The following KDM4C variants were observed in gnomAD, a reference collection of about 807,000 sequenced individuals.
KDM4C encodes lysine-specific demethylase 4C.
In KDM4C, 81 loss-of-function variants were observed where a neutral mutation model predicts 129.3. The ratio of observed to expected loss-of-function variants is 0.63; its 90% CI spans 0.52 to 0.75. The LOEUF (loss-of-function observed/expected upper bound fraction) is 0.75, where lower values mean the gene tolerates loss of function less well. Ranked by LOEUF, KDM4C falls within the 30% of genes least tolerant of loss-of-function variation. The probability of loss-of-function intolerance (pLI) is 0.00; values close to 1 mark genes in which losing one functional copy is unlikely to be tolerated. For synonymous variants in KDM4C, 573 were observed against 456.1 expected (o/e 1.26, Z -3.26); for missense variants, 1,457 against 1,304.0 (o/e 1.12, Z -1.81).
intron 17 of KDM4C, among the ~76,000 whole-genome samples, chr9:7,062,528 C>G (rs560483361): frequency 1.6e-4 from 24 of 152,186 alleles, no homozygotes; most frequent in African/African-American, 5.8e-4. Flanking sequence ...GCTGGGAATA[C>G]AGGTTTGCAC....
At chr9:6,821,653 CT>C (rs552508745) in intron 4 of KDM4C, among the ~76,000 whole-genome samples, 76 of 145,994 alleles carry the variant, frequency 5.2e-4, no homozygotes, top group African/African-American at 4.2e-4. Flanking sequence ...CTCTTTCATT[CT>C]TTTTTTTTTT....
At chr9:6,952,897 A>G (rs1430108810) in intron 8 of KDM4C, among the ~76,000 whole-genome samples, 4 of 152,242 alleles carry the variant, frequency 2.6e-5, no homozygotes, top group African/African-American at 9.6e-5. Context: ...ACATTTGTAC[A>G]GTGAGCACGG....
chr9:6,977,840 C>T (rs1240760054), intron 8 of KDM4C, among the ~76,000 whole-genome samples: 1 of 152,126 alleles, frequency 6.6e-6, no homozygotes, highest in Non-Finnish European at 1.5e-5. Context: ...GATTGCTCCT[C>T]CTGTTTGATT....
At chr9:6,734,020 G>T (rs189216542) in intron 1 of KDM4C, among the ~76,000 whole-genome samples, 1 of 152,134 alleles carries the variant, frequency 6.6e-6, no homozygotes, top group Non-Finnish European at 1.5e-5. Flanking sequence ...GCTATATCTT[G>T]TGCTGACCTC....
chr9:7,006,612 C>G (rs545844250), intron 12 of KDM4C, among the ~76,000 whole-genome samples: 1 of 152,114 alleles, frequency 6.6e-6, no homozygotes, highest in Admixed American at 6.6e-5. Flanking sequence ...GTGATTTTAC[C>G]TATAGGTAAT....
upstream of KDM4C, among the ~76,000 whole-genome samples, chr9:6,753,308 G>A (rs1818135673): frequency 6.6e-6 from 1 of 152,118 alleles, no homozygotes; most frequent in Non-Finnish European, 1.5e-5. Flanking sequence ...AGCACACCAG[G>A]CATTTACCTG....
intron 4 of KDM4C, among the ~76,000 whole-genome samples, chr9:6,848,796 T>C (rs1398586277): frequency 6.6e-6 from 1 of 152,248 alleles, no homozygotes; most frequent in African/African-American, 2.4e-5. Context: ...TATACTGTTA[T>C]AAAACTACAT....
chr9:6,823,819 T>C (rs933924743), intron 4 of KDM4C, among the ~76,000 whole-genome samples: 1 of 152,234 alleles, frequency 6.6e-6, no homozygotes, highest in Non-Finnish European at 1.5e-5. Flanking sequence ...TAATATCTGA[T>C]GGGCCTCCTT....
chr9:6,806,894 C>T (rs1331593079), intron 3 of KDM4C, among the ~76,000 whole-genome samples: 1 of 150,780 alleles, frequency 6.6e-6, no homozygotes, highest in Non-Finnish European at 1.5e-5. Context: ...CTCTCCCTCT[C>T]CCTCTCCCTC....
intron 20 of KDM4C, among the ~76,000 whole-genome samples, chr9:7,166,333 G>A (rs535615107): frequency 6.6e-6 from 1 of 152,350 alleles, no homozygotes; most frequent in East Asian, 1.9e-4. Context: ...CTGGAGCACA[G>A]TGTAATTAAA....
chr9:7,053,101 G>A (rs536486437), intron 17 of KDM4C, among the ~76,000 whole-genome samples: 1 of 152,246 alleles, frequency 6.6e-6, no homozygotes, highest in South Asian at 2.1e-4. Context: ...AACTGCAAGA[G>A]GCTAATAGAA....
intron 6 of KDM4C, among the ~76,000 whole-genome samples, chr9:6,882,830 T>C (rs1844679534): frequency 6.6e-6 from 1 of 151,814 alleles, no homozygotes; most frequent in Non-Finnish European, 1.5e-5. Flanking sequence ...GCACGCACAT[T>C]GTGGAATTTT....
At chr9:7,053,523 T>C (rs1206481798) in intron 17 of KDM4C, among the ~76,000 whole-genome samples, 2 of 152,246 alleles carry the variant, frequency 1.3e-5, no homozygotes, top group Admixed American at 1.3e-4. Context: ...CCTTGCTTGG[T>C]AATGTCACAG....
At chr9:6,997,885 C>G (rs1481489940) in intron 12 of KDM4C, among the ~76,000 whole-genome samples, 1 of 152,190 alleles carries the variant, frequency 6.6e-6, no homozygotes, top group African/African-American at 2.4e-5. Context: ...TATAACTCTT[C>G]AACTATAATT....
chr9:7,014,504 C>T lies in KDM4C; in HGVS notation c.2182+503C>T, dbSNP rs185026307. The stretch of plus-strand genomic sequence containing the variant: ...AGTCATTACAGTTGTTTTACCCCTG[C>T]ACTGGGATAGTCTCCACACCTATCT... On this transcript the variant is annotated intron_variant, in intron 14 of 21. Coordinates refer to ENST00000381309, the MANE Select transcript of KDM4C (RefSeq NM_015061.6). 2.2e-3 allele frequency among the ~76,000 whole-genome samples: 332 copies of T among 152,234 alleles called. 6 individuals are homozygous for T. Among genetic ancestry groups the T allele is most frequent in the Non-Finnish European group, 4.3e-4 (29 of 67,998 alleles).
chr9:6,734,198 C>T (rs1382342024), intron 1 of KDM4C, among the ~76,000 whole-genome samples: 3 of 151,846 alleles, frequency 2.0e-5, no homozygotes, highest in Non-Finnish European at 4.4e-5. Flanking sequence ...ATGCAGCTGT[C>T]CCCAGAAAGA....
At chr9:6,736,111 T>A (rs532215206) in intron 1 of KDM4C, among the ~76,000 whole-genome samples, 1 of 152,220 alleles carries the variant, frequency 6.6e-6, no homozygotes, top group African/African-American at 2.4e-5. Flanking sequence ...TGACTTAGGG[T>A]ATCTGGTGGA....
At chr9:7,124,548 G>T (rs1057106563) in intron 18 of KDM4C, among the ~76,000 whole-genome samples, 1 of 152,100 alleles carries the variant, frequency 6.6e-6, no homozygotes, top group Non-Finnish European at 1.5e-5. Flanking sequence ...CTACATCCAA[G>T]TCACTCTCTT....
intron 8 of KDM4C, among the ~76,000 whole-genome samples, chr9:6,963,723 C>T (rs1404797808): frequency 6.6e-6 from 1 of 152,172 alleles, no homozygotes; most frequent in East Asian, 1.9e-4. Context: ...CCTGTGTCTT[C>T]CGCACATTCT....
Sources: allele counts gnomAD v4.1 joint callset (sites outside exome capture counted in the v4.1 genomes callset), GRCh38; gene constraint gnomAD v4.1.1; transcripts MANE v1.5; gene names NCBI Gene and HGNC (gene_info 2026-07-23, HGNC 2026-07-21).